ASTN2: variants seen among roughly 807,000 people sequenced by gnomAD.
ASTN2 encodes the protein astrotactin-2.
Under a neutral mutation model 139.8 loss-of-function variants are expected in ASTN2, and 54 were observed. The observed-to-expected ratio is 0.39, with a 90% CI of 0.31 to 0.48. ASTN2 has a LOEUF of 0.48. ASTN2 is among the 20% of genes least tolerant of loss of function. The probability of loss-of-function intolerance (pLI) is 0.95; values close to 1 mark genes in which losing one functional copy is unlikely to be tolerated. For synonymous variants in ASTN2, 756 were observed against 719.5 expected, an observed-to-expected ratio of 1.05 and a Z score of -0.81; for missense variants, 1,565 against 1,725.1, an observed-to-expected ratio of 0.91 and a Z score of 1.64.
intron 19 of ASTN2, among the ~76,000 whole-genome samples, chr9:116,502,383 A>C (rs1001847894): frequency 2.0e-5 from 3 of 151,886 alleles, no homozygotes; most frequent in Non-Finnish European, 4.4e-5. Flanking sequence ...CAGCCAGAAA[A>C]TACTCAGAAA....
intron 5 of ASTN2, among the ~76,000 whole-genome samples, chr9:117,048,963 C>CTTTGTTTTTTTTTTTT (rs544204025): frequency 1.1e-5 from 1 of 89,016 alleles, no homozygotes; most frequent in Non-Finnish European, 2.3e-5. Context: ...TCATCCATTG[C>CTTTGTTTTTTTTTTTT]TTTTTTTTTT....
At chr9:117,317,802 T>C (rs1462419504) in intron 1 of ASTN2, among the ~76,000 whole-genome samples, 1 of 152,138 alleles carries the variant, frequency 6.6e-6, no homozygotes, top group African/African-American at 2.4e-5. Context: ...AGCCCAGCCC[T>C]CTACACAGTG....
At chr9:117,037,513 A>G (rs1303240902) in intron 6 of ASTN2, among the ~76,000 whole-genome samples, 3 of 152,200 alleles carry the variant, frequency 2.0e-5, no homozygotes, top group Non-Finnish European at 4.4e-5. Flanking sequence ...TCACTTGGCT[A>G]TCGAAGAGGC....
intron 4 of ASTN2, among the ~76,000 whole-genome samples, chr9:117,098,065 G>A (rs1041061042): frequency 6.6e-6 from 1 of 152,184 alleles, no homozygotes; most frequent in Non-Finnish European, 1.5e-5. Context: ...GACTAGGAGA[G>A]TTAAGCTTCG....
chr9:117,052,344 G>T (rs1016791813), intron 5 of ASTN2, among the ~76,000 whole-genome samples: 1 of 150,496 alleles, frequency 6.6e-6, no homozygotes, highest in Non-Finnish European at 1.5e-5. Flanking sequence ...GGAGCCTGAG[G>T]CAGGAGAATG....
intron 22 of ASTN2, among the ~76,000 whole-genome samples, chr9:116,428,553 T>C (rs1391339106): frequency 6.6e-6 from 1 of 150,564 alleles, no homozygotes; most frequent in Non-Finnish European, 1.5e-5. Context: ...GGTAAAAGCA[T>C]AGAGACAAGA....
Position 117,229,964 on chromosome 9 carries a change from C to T in ASTN2, c.631-15222G>A, listed in dbSNP as rs558977832. Among the ~76,000 whole-genome samples, 29 of 151,946 alleles carry T rather than the reference C, an allele frequency of 1.9e-4. No individual in the cohort carries two copies. In the South Asian group the frequency reaches 4.0e-3, roughly 21 times the overall value. ...TTGAAACTGCAATTCATGAGAATTT[C>T]ACGAGGGTAGGAGATTGAGAAACAT... is the stretch of plus-strand genomic sequence containing the variant. On this transcript the variant is annotated intron_variant, in intron 2 of 22. Coordinates refer to ENST00000313400, the MANE Select transcript of ASTN2 (RefSeq NM_001365068.1).
chr9:116,859,663 C>T (rs1195664442), intron 11 of ASTN2, among the ~76,000 whole-genome samples: 2 of 152,168 alleles, frequency 1.3e-5, no homozygotes, highest in Non-Finnish European at 2.9e-5. Flanking sequence ...TAAAAGGGGT[C>T]CCATCCTCTA....
At chr9:116,832,820 T>C (rs1260767240) in intron 11 of ASTN2, among the ~76,000 whole-genome samples, 3 of 152,090 alleles carry the variant, frequency 2.0e-5, no homozygotes, top group Non-Finnish European at 4.4e-5. Flanking sequence ...TCTTACTTTG[T>C]AGTTTTCTGT....
At position 116,729,489 on chromosome 9, in the gene ASTN2, C is replaced by G. The variant is rs186715935; in HGVS notation, c.2522-393G>C. Among the ~76,000 whole-genome samples the G allele has an allele frequency of 9.5e-4, 145 of 152,288 alleles. 1 individual carries two copies. The highest frequency in any genetic ancestry group is 3.4e-3 in the Middle Eastern group (1 of 294). On this transcript the variant is annotated intron_variant, in intron 14 of 22. Transcript: ENST00000313400. ...CATGTTGTGAGGCTCAAGTAAGGTA[C>G]CAGAAGTGGGAGCCCTCTGGTAACC...
At chr9:116,509,218 C>A (rs1319439370) in intron 19 of ASTN2, among the ~76,000 whole-genome samples, 1 of 152,122 alleles carries the variant, frequency 6.6e-6, no homozygotes, top group Non-Finnish European at 1.5e-5. Flanking sequence ...CCCAAGTGTT[C>A]TCATTGTTCA....
intron 19 of ASTN2, among the ~76,000 whole-genome samples, chr9:116,551,635 C>T (rs1852350181): frequency 6.6e-6 from 1 of 152,156 alleles, no homozygotes; most frequent in South Asian, 2.1e-4. Flanking sequence ...ACCCTCTGTG[C>T]CTATATCCGC....
intron 13 of ASTN2, among the ~76,000 whole-genome samples, chr9:116,795,425 TA>T (rs1361852159): frequency 1.3e-5 from 2 of 152,238 alleles, no homozygotes; most frequent in African/African-American, 4.8e-5. Flanking sequence ...TGTGTTTCAT[TA>T]CAGAATGTTC....
intron 13 of ASTN2, among the ~76,000 whole-genome samples, chr9:116,801,401 C>T (rs1217804206): frequency 1.3e-5 from 2 of 151,210 alleles, no homozygotes; most frequent in Non-Finnish European, 3.0e-5. Flanking sequence ...GCTAACACAG[C>T]GAAACCCCGT....
chr9:116,831,869 T>G (rs1024976874), intron 11 of ASTN2, among the ~76,000 whole-genome samples: 1 of 152,172 alleles, frequency 6.6e-6, no homozygotes, highest in African/African-American at 2.4e-5. Context: ...GTGGACATCT[T>G]TATTATCTTG....
intron 2 of ASTN2, among the ~76,000 whole-genome samples, chr9:117,222,934 A>G (rs1338421537): frequency 6.6e-6 from 1 of 152,204 alleles, no homozygotes; most frequent in African/African-American, 2.4e-5. Flanking sequence ...ACAACCAAGT[A>G]GAAAACATAT....
intron 10 of ASTN2, among the ~76,000 whole-genome samples, chr9:116,960,659 C>A (rs553082680): frequency 1.7e-4 from 26 of 152,006 alleles, no homozygotes; most frequent in Non-Finnish European, 3.2e-4. Context: ...CAGTTGTAAC[C>A]CCCCAGAAAT....
At chr9:117,254,535 T>C (rs1833629873) in intron 2 of ASTN2, among the ~76,000 whole-genome samples, 1 of 152,200 alleles carries the variant, frequency 6.6e-6, no homozygotes, top group Non-Finnish European at 1.5e-5. Context: ...TTATGGTTTC[T>C]GCTGTGGGTA....
chr9:116,937,065 C>T (rs1317910173), intron 10 of ASTN2, among the ~76,000 whole-genome samples: 3 of 152,166 alleles, frequency 2.0e-5, no homozygotes, highest in Admixed American at 1.3e-4. Flanking sequence ...TGAGAGGATC[C>T]TGGGCTCAGC....
Sources: gnomAD v4.1 joint callset for allele counts (sites outside exome capture counted in the v4.1 genomes callset) on GRCh38, gnomAD v4.1.1 for gene constraint, MANE v1.5 for transcripts, NCBI Gene and HGNC (gene_info 2026-07-23, HGNC 2026-07-21) for gene names.